Variants in STX8 observed in about 807,000 individuals in gnomAD.
STX8 encodes syntaxin-8.
A neutral mutation model predicts 37.5 loss-of-function variants in STX8; 23 were observed. The ratio of observed to expected loss-of-function variants is 0.61; its 90% confidence interval spans 0.44 to 0.87. The LOEUF (loss-of-function observed/expected upper bound fraction) is 0.87, where lower values mean the gene tolerates loss of function less well. Among genes scored for constraint, STX8 ranks in the 40% least tolerant of loss-of-function variants. The pLI, the probability that STX8 is intolerant of heterozygous loss-of-function variation, is 0.00. For synonymous variants in STX8, 115 were observed against 99.1 expected (o/e 1.16, Z -0.95); for missense variants, 313 against 284.7 (o/e 1.10, Z -0.71).
At chr17:9,283,526 C>T (rs868692460) in intron 7 of STX8, among the ~76,000 whole-genome samples, 2 of 152,030 alleles carry the variant, frequency 1.3e-5, no homozygotes, top group Admixed American at 6.6e-5. Context: ...GGTGACAGAG[C>T]GAGACTCCAT....
intron 6 of STX8, among the ~76,000 whole-genome samples, chr17:9,421,413 T>A (rs865971915): frequency 2.7e-4 from 15 of 55,752 alleles, no homozygotes; most frequent in African/African-American, 8.3e-4. Context: ...AAAAAAAAAA[T>A]TTTTTTTTTT....
At chr17:9,436,711 G>A (rs868023267) in intron 6 of STX8, among the ~76,000 whole-genome samples, 9 of 152,324 alleles carry the variant, frequency 5.9e-5, no homozygotes, top group Middle Eastern at 3.4e-3. Context: ...TGTTTGGCCT[G>A]TATCAATGTG....
At chr17:9,342,047 C>T (rs1910376996) in intron 7 of STX8, among the ~76,000 whole-genome samples, 1 of 152,054 alleles carries the variant, frequency 6.6e-6, no homozygotes, top group Non-Finnish European at 1.5e-5. Flanking sequence ...TTTTCCACGG[C>T]CTGGAGGGGA....
intron 7 of STX8, among the ~76,000 whole-genome samples, chr17:9,302,828 T>C (rs1908833018): frequency 6.6e-6 from 1 of 151,978 alleles, no homozygotes; most frequent in Non-Finnish European, 1.5e-5. Context: ...GAGAAGGCAC[T>C]GGCCACAAAG....
At chr17:9,388,812 G>GAAAAAAAAAAA (rs79059878) in intron 6 of STX8, among the ~76,000 whole-genome samples, 1 of 108,026 alleles carries the variant, frequency 9.3e-6, no homozygotes, top group African/African-American at 3.1e-5. Context: ...TCAAAAAAAA[G>GAAAAAAAAAAA]AAAAAAAAAA....
intron 4 of STX8, among the ~76,000 whole-genome samples, chr17:9,519,005 C>T (rs1905242431): frequency 6.6e-6 from 1 of 152,074 alleles, no homozygotes; most frequent in Non-Finnish European, 1.5e-5. Context: ...GGGACGTGCT[C>T]TCCTTCCTAG....
At chr17:9,496,193 C>T (rs770140893) in intron 5 of STX8, among the ~76,000 whole-genome samples, 6 of 151,916 alleles carry the variant, frequency 3.9e-5, no homozygotes, top group Non-Finnish European at 7.4e-5. Flanking sequence ...CTCCTGTCTC[C>T]GCCTCCCCAG....
chr17:9,360,346 T>C (rs1911022868), intron 7 of STX8, among the ~76,000 whole-genome samples: 2 of 148,360 alleles, frequency 1.3e-5, no homozygotes, highest in African/African-American at 5.0e-5. Flanking sequence ...GCGATTCTCC[T>C]GCCTCAGCCT....
intron 7 of STX8, among the ~76,000 whole-genome samples, chr17:9,356,986 T>A (rs866968863): frequency 0.035 from 3,773 of 108,982 alleles, 56 homozygotes; most frequent in Non-Finnish European, 0.051. Flanking sequence ...TTTTTTTTTT[T>A]AGGCAAAGTC....
intron 4 of STX8, among the ~76,000 whole-genome samples, chr17:9,523,657 T>C (rs1387410765): frequency 6.6e-6 from 1 of 152,242 alleles, no homozygotes; most frequent in African/African-American, 2.4e-5. Context: ...TCAACATTAC[T>C]GTTTTCACTT....
chr17:9,419,962 AACT>A, intron 6 of STX8, among the ~76,000 whole-genome samples: 1 of 152,294 alleles, frequency 6.6e-6, no homozygotes, highest in South Asian at 2.1e-4. Flanking sequence ...CATTTGACTA[AACT>A]ACTGTGGTTT....
At chr17:9,521,077 T>C (rs1262602004) in intron 4 of STX8, among the ~76,000 whole-genome samples, 1 of 152,224 alleles carries the variant, frequency 6.6e-6, no homozygotes, top group Non-Finnish European at 1.5e-5. Flanking sequence ...AGTTCCTTTC[T>C]GTGAATATAA....
At chr17:9,404,188 C>A (rs1233415951) in intron 6 of STX8, among the ~76,000 whole-genome samples, 6 of 151,882 alleles carry the variant, frequency 4.0e-5, no homozygotes, top group Non-Finnish European at 8.8e-5. Context: ...GTTATCTTCA[C>A]ATTGAGTAGG....
chr17:9,315,413 G>A (rs1292871941), intron 7 of STX8, among the ~76,000 whole-genome samples: 1 of 152,092 alleles, frequency 6.6e-6, no homozygotes, highest in Admixed American at 6.5e-5. Context: ...AGTTTACAGA[G>A]GCTGCACGCA....
At chr17:9,253,527 C>T (rs1299484265) in intron 7 of STX8, among the ~76,000 whole-genome samples, 2 of 151,958 alleles carry the variant, frequency 1.3e-5, no homozygotes, top group East Asian at 1.9e-4. Context: ...GAGAAGATAA[C>T]GAGAATGAGG....
intron 7 of STX8, among the ~76,000 whole-genome samples, chr17:9,328,629 G>A (rs747203976): frequency 6.6e-6 from 1 of 152,168 alleles, no homozygotes; most frequent in African/African-American, 2.4e-5. Flanking sequence ...ACTGTTCAGG[G>A]TCAATGGCCC....
At chr17:9,451,896 T>C (rs1419836708) in intron 6 of STX8, among the ~76,000 whole-genome samples, 2 of 152,212 alleles carry the variant, frequency 1.3e-5, no homozygotes, top group Admixed American at 1.3e-4. Flanking sequence ...CTCTTTCTTA[T>C]TTGGTTTAAT....
intron 6 of STX8, among the ~76,000 whole-genome samples, chr17:9,459,995 C>T (rs1905307575): frequency 6.6e-6 from 1 of 152,196 alleles, no homozygotes; most frequent in African/African-American, 2.4e-5. Flanking sequence ...AGAAATGTGG[C>T]TTGCAGAGGC....
intron 4 of STX8, among the ~76,000 whole-genome samples, chr17:9,528,660 C>A (rs143585723): frequency 2.5e-3 from 377 of 152,100 alleles, no homozygotes; most frequent in South Asian, 7.9e-3. Flanking sequence ...ATTTTAAACC[C>A]AATTACAGGG....
Sources: allele counts gnomAD v4.1 joint callset (sites outside exome capture counted in the v4.1 genomes callset), GRCh38; gene constraint gnomAD v4.1.1; transcripts MANE v1.5; gene names NCBI Gene and HGNC (gene_info 2026-07-23, HGNC 2026-07-21).